Variants in NRXN1 observed in about 807,000 individuals in gnomAD.
The protein encoded by NRXN1 is neurexin 1, also known as neurexin-1.
A neutral mutation model predicts 150.9 loss-of-function variants in NRXN1; 39 were observed. The observed-to-expected ratio is 0.26, with a 90% CI of 0.20 to 0.34. NRXN1 has a LOEUF of 0.34. Among genes scored for constraint, NRXN1 ranks in the 10% least tolerant of loss-of-function variants. The probability of loss-of-function intolerance (pLI) is 1.00; values close to 1 mark genes in which losing one functional copy is unlikely to be tolerated. For synonymous variants in NRXN1, 924 were observed against 757.0 expected, an observed-to-expected ratio of 1.22 and a Z score of -3.62; for missense variants, 1,815 against 1,949.9, an observed-to-expected ratio of 0.93 and a Z score of 1.30.
intron 17 of NRXN1, among the ~76,000 whole-genome samples, chr2:50,389,289 G>A (rs1454822498): frequency 6.7e-6 from 1 of 149,164 alleles, no homozygotes; most frequent in Admixed American, 6.8e-5. Context: ...AATGTATCTA[G>A]TATCAGTCTT....
At chr2:49,984,670 G>T (rs1573222705) in intron 21 of NRXN1, among the ~76,000 whole-genome samples, 1 of 149,796 alleles carries the variant, frequency 6.7e-6, no homozygotes, top group South Asian at 2.1e-4. Flanking sequence ...TAGGTACAAA[G>T]AATTGTGGGA....
intron 8 of NRXN1, among the ~76,000 whole-genome samples, chr2:50,582,369 T>C (rs1295792927): frequency 1.3e-5 from 2 of 149,392 alleles, no homozygotes; most frequent in Non-Finnish European, 1.5e-5. Flanking sequence ...TGGTCCCAGC[T>C]ACTTGGCAGG....
At chr2:50,990,979 C>G (rs1036118280) in intron 2 of NRXN1, among the ~76,000 whole-genome samples, 7 of 152,016 alleles carry the variant, frequency 4.6e-5, no homozygotes, top group African/African-American at 1.2e-4. Flanking sequence ...TGACATTATT[C>G]ATTTGTTTAT....
At chr2:50,151,871 C>G (rs982335706) in intron 18 of NRXN1, among the ~76,000 whole-genome samples, 7 of 151,430 alleles carry the variant, frequency 4.6e-5, no homozygotes, top group African/African-American at 1.7e-4. Context: ...GCAAATAAAG[C>G]AAACAAAAAT....
At chr2:50,843,636 T>C (rs1673194331) in intron 5 of NRXN1, among the ~76,000 whole-genome samples, 1 of 152,200 alleles carries the variant, frequency 6.6e-6, no homozygotes, top group Non-Finnish European at 1.5e-5. Context: ...GAACTGAAAC[T>C]ACCTATCCGC....
chr2:50,372,750 T>A (rs2080120549), intron 17 of NRXN1, among the ~76,000 whole-genome samples: 1 of 152,142 alleles, frequency 6.6e-6, no homozygotes, highest in African/African-American at 2.4e-5. Flanking sequence ...ATTATGCAAA[T>A]AATTTAAACA....
chr2:50,696,915 A>C (rs1692975713), intron 5 of NRXN1, among the ~76,000 whole-genome samples: 1 of 152,210 alleles, frequency 6.6e-6, no homozygotes, highest in African/African-American at 2.4e-5. Context: ...AGCCTGATAC[A>C]TAAATTCTTT....
intron 18 of NRXN1, among the ~76,000 whole-genome samples, chr2:50,234,880 G>A (rs1057042662): frequency 1.3e-5 from 2 of 152,042 alleles, no homozygotes; most frequent in African/African-American, 2.4e-5. Flanking sequence ...GATATGGAGG[G>A]TATTACGCTA....
intron 5 of NRXN1, among the ~76,000 whole-genome samples, chr2:50,833,837 A>G (rs1671737492): frequency 6.6e-6 from 1 of 152,224 alleles, no homozygotes; most frequent in Non-Finnish European, 1.5e-5. Flanking sequence ...ATGCACAGAT[A>G]GAACATAAAG....
intron 21 of NRXN1, among the ~76,000 whole-genome samples, chr2:49,988,536 G>A (rs1008462331): frequency 6.7e-6 from 1 of 150,122 alleles, no homozygotes; most frequent in Non-Finnish European, 1.5e-5. Flanking sequence ...TACATGGCCA[G>A]AAGACTTAGT....
chr2:50,432,199 C>T (rs2085027507), intron 17 of NRXN1: 1 of 152,208 alleles, frequency 6.6e-6, no homozygotes, highest in Non-Finnish European at 1.5e-5. Flanking sequence ...CGGTCACTTC[C>T]TCCCCTAGAA....
chr2:50,639,068 A>T (rs1403187850), intron 5 of NRXN1, among the ~76,000 whole-genome samples: 5 of 152,026 alleles, frequency 3.3e-5, no homozygotes, highest in Non-Finnish European at 7.4e-5. Context: ...TTTATACATT[A>T]AAAAAATGAA....
chr2:50,962,602 TG>T (rs1693388048), intron 2 of NRXN1, among the ~76,000 whole-genome samples: 1 of 151,678 alleles, frequency 6.6e-6, no homozygotes, highest in East Asian at 1.9e-4. Flanking sequence ...TACAAGCTTA[TG>T]GGATCTCATT....
intron 8 of NRXN1, among the ~76,000 whole-genome samples, chr2:50,606,052 C>A (rs994052897): frequency 1.3e-5 from 2 of 151,944 alleles, no homozygotes; most frequent in Non-Finnish European, 2.9e-5. Context: ...AGTTCAAGAC[C>A]AGCCTGGTCA....
At chr2:50,482,941 T>C (rs6727327) in intron 15 of NRXN1, among the ~76,000 whole-genome samples, 87,061 of 150,824 alleles carry the variant, frequency 0.58, 25,835 homozygotes, top group African/African-American at 0.71. Flanking sequence ...GTCCCAGCTA[T>C]TTGGGAGGCT....
chr2:50,493,769 T>C (rs1265704739), intron 15 of NRXN1, among the ~76,000 whole-genome samples: 1 of 152,220 alleles, frequency 6.6e-6, no homozygotes, highest in Non-Finnish European at 1.5e-5. Flanking sequence ...TTTTCTGCAA[T>C]GCAGAAGGTA....
intron 19 of NRXN1, among the ~76,000 whole-genome samples, chr2:50,078,457 C>T (rs1469517802): frequency 6.6e-6 from 1 of 151,750 alleles, no homozygotes; most frequent in Non-Finnish European, 1.5e-5. Context: ...AACCATTAGG[C>T]AGTTATCAAA....
chr2:50,341,290 A>T (rs1235279482), intron 17 of NRXN1, among the ~76,000 whole-genome samples: 3 of 152,176 alleles, frequency 2.0e-5, no homozygotes, highest in Non-Finnish European at 4.4e-5. Flanking sequence ...GAATTCCATA[A>T]GTCACTGAGT....
intron 18 of NRXN1, among the ~76,000 whole-genome samples, chr2:50,130,639 T>A (rs1705328376): frequency 6.6e-6 from 1 of 152,104 alleles, no homozygotes; most frequent in African/African-American, 2.4e-5. Flanking sequence ...ATCCCAAGTA[T>A]CCAAAACCAA....
Sources: gnomAD v4.1 joint callset for allele counts (sites outside exome capture counted in the v4.1 genomes callset) on GRCh38, gnomAD v4.1.1 for gene constraint, MANE v1.5 for transcripts, NCBI Gene and HGNC (gene_info 2026-07-23, HGNC 2026-07-21) for gene names.